Variants in MYO1B observed in about 807,000 individuals in gnomAD.
The protein encoded by MYO1B is myosin IB.
Under a neutral mutation model 159.7 loss-of-function variants are expected in MYO1B, and 72 were observed. The ratio of observed to expected loss-of-function variants is 0.45; its 90% CI spans 0.37 to 0.55. MYO1B has a LOEUF of 0.55. Ranked by LOEUF, MYO1B falls within the 20% of genes least tolerant of loss-of-function variation. The pLI is 0.00. For missense variants in MYO1B, 1,062 were observed against 1,364.8 expected (o/e 0.78, Z 3.50); for synonymous variants, 468 against 473.8 (o/e 0.99, Z 0.16).
At chr2:191,296,799 T>C (rs982816813) in intron 3 of MYO1B, among the ~76,000 whole-genome samples, 1 of 152,238 alleles carries the variant, frequency 6.6e-6, no homozygotes, top group Non-Finnish European at 1.5e-5. Context: ...GTTTGTCTGC[T>C]CCTTTAGAGT....
At chr2:191,266,299 T>G (rs1275211935) in intron 1 of MYO1B, among the ~76,000 whole-genome samples, 5 of 152,202 alleles carry the variant, frequency 3.3e-5, no homozygotes, top group Non-Finnish European at 5.9e-5. Flanking sequence ...GAGTTTGCTC[T>G]CTCAGTCAGG....
At chr2:191,410,886 G>A (rs1697212924) in intron 26 of MYO1B, among the ~76,000 whole-genome samples, 180 bp from the exon 27 acceptor site, 2 of 152,116 alleles carry the variant, frequency 1.3e-5, no homozygotes, top group South Asian at 2.1e-4. Context: ...ATACTCTGAC[G>A]TTTTCCAAGA....
intron 1 of MYO1B, among the ~76,000 whole-genome samples, chr2:191,251,744 A>C (rs1264716644): frequency 6.6e-6 from 1 of 152,242 alleles, no homozygotes; most frequent in African/African-American, 2.4e-5. Flanking sequence ...AGTGGAACAG[A>C]TTATTAGTTA....
chr2:191,310,290 C>T (rs1198160890), intron 3 of MYO1B, among the ~76,000 whole-genome samples: 4 of 152,190 alleles, frequency 2.6e-5, no homozygotes, highest in African/African-American at 9.7e-5. Flanking sequence ...GCAGCCTCCA[C>T]CTCCTGGGTT....
intron 24 of MYO1B, among the ~76,000 whole-genome samples, chr2:191,403,128 C>T (rs763111750): frequency 6.6e-6 from 1 of 152,148 alleles, no homozygotes; most frequent in Non-Finnish European, 1.5e-5. Context: ...AATTCTGCTC[C>T]AATAATGGCT....
chr2:191,379,864 C>G (rs886414760), intron 13 of MYO1B, among the ~76,000 whole-genome samples: 1 of 152,106 alleles, frequency 6.6e-6, no homozygotes, highest in African/African-American at 2.4e-5. Flanking sequence ...TATACTAGAC[C>G]AACTTCAGTT....
intron 1 of MYO1B, among the ~76,000 whole-genome samples, chr2:191,254,540 C>G (rs1362372595): frequency 2.0e-5 from 3 of 151,736 alleles, no homozygotes. Flanking sequence ...AAGTCTGGCT[C>G]TGTTGCATAG....
intron 9 of MYO1B, 21 bp from the exon 10 acceptor site, chr2:191,363,707 C>CTTT: frequency 1.4e-6 from 2 of 1,432,304 alleles, no homozygotes; most frequent in Non-Finnish European, 1.9e-6. Flanking sequence ...AAAATAGTTG[C>CTTT]TTTTTTTTTT....
intron 3 of MYO1B, among the ~76,000 whole-genome samples, chr2:191,320,497 C>T (rs936315326): frequency 1.3e-5 from 2 of 152,088 alleles, no homozygotes; most frequent in Non-Finnish European, 2.9e-5. Context: ...TCAGACATTT[C>T]ATGGTATATA....
chr2:191,302,798 A>T (rs1406519649), intron 3 of MYO1B, among the ~76,000 whole-genome samples: 1 of 152,230 alleles, frequency 6.6e-6, no homozygotes, highest in Non-Finnish European at 1.5e-5. Context: ...TAAAACTTAG[A>T]CAAGTGGCTT....
At chr2:191,402,437 C>G (rs926936992) in intron 23 of MYO1B, 195 bp from the exon 24 acceptor site, 1 of 582,198 alleles carries the variant, frequency 1.7e-6, no homozygotes, top group African/African-American at 1.9e-5. Flanking sequence ...AACAGAATCT[C>G]AGTGCACTGA....
rs1023015207 is a variant in MYO1B at position 191,253,374 on chromosome 2, A to T, written c.-10+7748A>T. On this transcript the variant is annotated intron_variant, in intron 1 of 30. Transcript: ENST00000392318. ...GGCTTCCTGTGGGAATGTGCATTCC[A>T]TGTGAGCCGTACTTGGTTCACTCTC... Among the ~76,000 whole-genome samples the T allele has an allele frequency of 8.2e-4, 125 of 152,242 alleles. 1 individual carries two copies. The highest frequency in any genetic ancestry group is 2.8e-3 in the African/African-American group (115 of 41,546).
chr2:191,400,840 T>C lies in MYO1B; in HGVS notation c.2469+5T>C. 6.2e-7 allele frequency: 1 copy of C among 1,613,234 alleles called. No homozygotes were observed. Among genetic ancestry groups the C allele is most frequent in the Non-Finnish European group, 8.5e-7 (1 of 1,179,304 alleles). On this transcript the variant is annotated splice_donor_5th_base_variant and intron_variant, in intron 23 of 30. Transcript: ENST00000392318. Reference sequence around the variant, plus strand: ...GCTTACTGGCTTGGATCTAAGGTACTTGATGCACATATCCCAACACTCCAT... The same window carrying C: ...GCTTACTGGCTTGGATCTAAGGTACCTGATGCACATATCCCAACACTCCAT...
intron 11 of MYO1B, among the ~76,000 whole-genome samples, chr2:191,365,015 G>A (rs1006647016): frequency 1.3e-5 from 2 of 152,072 alleles, no homozygotes; most frequent in Non-Finnish European, 2.9e-5. Context: ...TGATATTGGG[G>A]CCAGTGAAGT....
chr2:191,392,696 G>A (rs1001815465), intron 19 of MYO1B, among the ~76,000 whole-genome samples: 1 of 152,096 alleles, frequency 6.6e-6, no homozygotes. Flanking sequence ...TATAGCAGGT[G>A]ACTGGTAATT....
chr2:191,311,744 A>G (rs1348170296), intron 3 of MYO1B, among the ~76,000 whole-genome samples: 5 of 152,236 alleles, frequency 3.3e-5, no homozygotes, highest in African/African-American at 2.4e-5. Context: ...ACTGAAGTAT[A>G]AAGATGTTAA....
At chr2:191,370,093 T>TA (rs1184927124) in intron 12 of MYO1B, 134 bp from the exon 13 acceptor site, 3 of 638,360 alleles carry the variant, frequency 4.7e-6, no homozygotes, top group Non-Finnish European at 8.0e-6. Context: ...ATACATTTTT[T>TA]AAAAAACAAC....
intron 3 of MYO1B, among the ~76,000 whole-genome samples, chr2:191,314,957 TTTTA>T (rs1259909583): frequency 6.6e-6 from 1 of 152,232 alleles, no homozygotes; most frequent in East Asian, 1.9e-4. Flanking sequence ...ATTGTAGATT[TTTTA>T]TTCTGCTGAA....
At chr2:191,344,851 A>G (rs1057488789) in intron 5 of MYO1B, among the ~76,000 whole-genome samples, 1 of 150,262 alleles carries the variant, frequency 6.7e-6, no homozygotes, top group Non-Finnish European at 1.5e-5. Flanking sequence ...AAAAAAAAAA[A>G]GAATCAAAAA....
Sources: gnomAD v4.1 joint callset for allele counts (sites outside exome capture counted in the v4.1 genomes callset) on GRCh38, gnomAD v4.1.1 for gene constraint, MANE v1.5 for transcripts, NCBI Gene and HGNC (gene_info 2026-07-23, HGNC 2026-07-21) for gene names.